Variants in GPC5 observed in about 807,000 individuals in gnomAD.
The protein encoded by GPC5 is glypican-5.
In GPC5, 47 loss-of-function variants were observed where a neutral mutation model predicts 53.9. The observed-to-expected ratio is 0.87, with a 90% confidence interval of 0.69 to 1.11. The LOEUF (loss-of-function observed/expected upper bound fraction) is 1.11. Ranked by LOEUF, GPC5 falls within the 50% of genes most tolerant of loss-of-function variation. The pLI is 0.00. For missense variants in GPC5, 748 were observed against 713.1 expected, an observed-to-expected ratio of 1.05 and a Z score of -0.56; for synonymous variants, 286 against 263.3, an observed-to-expected ratio of 1.09 and a Z score of -0.84.
At chr13:92,508,329 A>G (rs1880447113) in intron 7 of GPC5, among the ~76,000 whole-genome samples, 3 of 152,292 alleles carry the variant, frequency 2.0e-5, no homozygotes, top group South Asian at 4.1e-4. Context: ...ATAGAACATC[A>G]TATTAGACAA....
intron 6 of GPC5, among the ~76,000 whole-genome samples, chr13:91,982,744 TC>T (rs1414343300): frequency 6.6e-6 from 1 of 152,158 alleles, no homozygotes; most frequent in Non-Finnish European, 1.5e-5. Flanking sequence ...CTGAAAAGTG[TC>T]CACAAGATTT....
intron 7 of GPC5, among the ~76,000 whole-genome samples, chr13:92,444,620 A>C (rs1381818237): frequency 1.3e-5 from 2 of 151,948 alleles, no homozygotes; most frequent in Non-Finnish European, 2.9e-5. Context: ...TTGTGAAAAG[A>C]AGTATTGCAT....
At chr13:91,970,743 G>A (rs905719169) in intron 6 of GPC5, among the ~76,000 whole-genome samples, 1 of 152,122 alleles carries the variant, frequency 6.6e-6, no homozygotes, top group Non-Finnish European at 1.5e-5. Flanking sequence ...TTTGTCTTTG[G>A]TTCTGTTTAT....
chr13:92,197,949 T>C (rs191980107), intron 7 of GPC5, among the ~76,000 whole-genome samples: 15 of 152,264 alleles, frequency 9.9e-5, no homozygotes, highest in Non-Finnish European at 1.9e-4. Context: ...GTGGGCCTTC[T>C]TTTGATTCCC....
At chr13:92,113,944 A>G (rs748741451) in intron 6 of GPC5, among the ~76,000 whole-genome samples, 1 of 152,214 alleles carries the variant, frequency 6.6e-6, no homozygotes, top group Non-Finnish European at 1.5e-5. Context: ...AGGAGTGCAT[A>G]AAAACTAAAG....
intron 6 of GPC5, among the ~76,000 whole-genome samples, chr13:91,984,948 A>G (rs2040393191): frequency 6.6e-6 from 1 of 152,188 alleles, no homozygotes; most frequent in East Asian, 1.9e-4. Context: ...TGTGTCATGC[A>G]CTTATTTGCA....
At chr13:92,433,068 A>T (rs1263022777) in intron 7 of GPC5, among the ~76,000 whole-genome samples, 4 of 152,170 alleles carry the variant, frequency 2.6e-5, no homozygotes, top group Non-Finnish European at 5.9e-5. Context: ...TGAGTAGACA[A>T]AGGATAATGT....
chr13:92,718,557 T>C (rs934521662), intron 7 of GPC5, among the ~76,000 whole-genome samples: 1 of 151,714 alleles, frequency 6.6e-6, no homozygotes, highest in African/African-American at 2.4e-5. Context: ...CTGGGAAGGG[T>C]AGTGGGGCAA....
intron 7 of GPC5, among the ~76,000 whole-genome samples, chr13:92,159,491 G>T (rs1029557799): frequency 6.6e-6 from 1 of 150,598 alleles, no homozygotes; most frequent in Non-Finnish European, 1.5e-5. Flanking sequence ...GTCCATTTGA[G>T]AAGCATACTT....
At chr13:92,201,927 T>C (rs2042298000) in intron 7 of GPC5, among the ~76,000 whole-genome samples, 1 of 152,338 alleles carries the variant, frequency 6.6e-6, no homozygotes, top group South Asian at 2.1e-4. Flanking sequence ...TTTGGCAACA[T>C]TGTGAAGTAG....
chr13:91,505,210 T>C (rs1198933243), intron 2 of GPC5, among the ~76,000 whole-genome samples: 6 of 152,152 alleles, frequency 3.9e-5, no homozygotes, highest in African/African-American at 7.2e-5. Flanking sequence ...TCAATCTTAA[T>C]AACCTTGCTC....
intron 7 of GPC5, among the ~76,000 whole-genome samples, chr13:92,749,284 T>C (rs1191504550): frequency 6.6e-6 from 1 of 152,164 alleles, no homozygotes; most frequent in African/African-American, 2.4e-5. Flanking sequence ...ATTTTTTCAA[T>C]ATATTATGTA....
rs113205518 is a variant in GPC5, at chr13:91,516,361, A to T, written c.325+67439A>T. ...CAAATGGGAGAAATTGCCAAAACAA[A>T]GAGATTACAGGGCCCATGCAAGTCC... On this transcript the variant is annotated intron_variant, in intron 2 of 7. Transcript: ENST00000377067. 8.5e-5 allele frequency among the ~76,000 whole-genome samples: 13 copies of T among 152,282 alleles called. 1 individual carries two copies. Among genetic ancestry groups the T allele is most frequent in the African/African-American group, 3.1e-4 (13 of 41,558 alleles).
At position 92,532,765 on chromosome 13, in the gene GPC5, A is replaced by G. The variant is rs953006284; in HGVS notation, c.1562-333517A>G. 4.6e-5 allele frequency among the ~76,000 whole-genome samples: 7 copies of G among 152,278 alleles called. No homozygotes were observed. The South Asian group carries it at 1.2e-3, about 27-fold the overall frequency. On this transcript the variant is annotated intron_variant, in intron 7 of 7. Coordinates refer to ENST00000377067, the MANE Select transcript of GPC5 (RefSeq NM_004466.6). ...TCTCCATTGCTTATTCATATTTTCA[A>G]GAGTGGTTATTTAACATTCTTATTT... is the stretch of plus-strand genomic sequence containing the variant.
chr13:91,723,829 C>A (rs1027110635), intron 3 of GPC5, among the ~76,000 whole-genome samples: 1 of 152,096 alleles, frequency 6.6e-6, no homozygotes, highest in Non-Finnish European at 1.5e-5. Flanking sequence ...TAATATAGTA[C>A]AATAGTCTGA....
chr13:92,775,648 G>A (rs147733693), intron 7 of GPC5, among the ~76,000 whole-genome samples: 1 of 151,322 alleles, frequency 6.6e-6, no homozygotes, highest in East Asian at 2.0e-4. Context: ...CCTCATCCTT[G>A]TCTCAGTAAA....
chr13:91,646,371 A>G (rs1803928642), intron 2 of GPC5, among the ~76,000 whole-genome samples: 1 of 152,034 alleles, frequency 6.6e-6, no homozygotes, highest in Admixed American at 6.6e-5. Context: ...TTGTTGTTAT[A>G]TGTAAAATTT....
intron 2 of GPC5, among the ~76,000 whole-genome samples, chr13:91,645,436 A>G (rs2034535029): frequency 6.6e-6 from 1 of 152,144 alleles, no homozygotes; most frequent in Non-Finnish European, 1.5e-5. Flanking sequence ...TGACACTTAA[A>G]TATAGCTAAA....
At chr13:92,500,591 C>A (rs2138931461) in intron 7 of GPC5, among the ~76,000 whole-genome samples, 1 of 152,244 alleles carries the variant, frequency 6.6e-6, no homozygotes, top group East Asian at 1.9e-4. Context: ...TTTGCAAAAA[C>A]CTTCTGGCCT....
Sources: allele counts gnomAD v4.1 joint callset (sites outside exome capture counted in the v4.1 genomes callset), GRCh38; gene constraint gnomAD v4.1.1; transcripts MANE v1.5; gene names NCBI Gene and HGNC (gene_info 2026-07-23, HGNC 2026-07-21).